CKMT1B: variants seen among roughly 807,000 people sequenced by gnomAD.
CKMT1B encodes creatine kinase, mitochondrial 1B, also known as creatine kinase U-type, mitochondrial.
A neutral mutation model predicts 21.8 loss-of-function variants in CKMT1B; 13 were observed. That is an observed-to-expected ratio of 0.60 (90% confidence interval 0.39 to 0.95). The LOEUF is 0.95. Ranked by LOEUF, CKMT1B falls within the 40% of genes least tolerant of loss-of-function variation. The probability of loss-of-function intolerance (pLI) is 0.00; values close to 1 mark genes in which losing one functional copy is unlikely to be tolerated. For synonymous variants in CKMT1B, 50 were observed against 80.3 expected (o/e 0.62, Z 2.02); for missense variants, 157 against 227.5 (o/e 0.69, Z 1.99).
Position 43,598,855 on chromosome 15 carries a change from A to G in CKMT1B, c.1040A>G (p.Asn347Ser). 3 of 1,608,854 alleles carry G rather than the reference A, an allele frequency of 1.9e-6. No homozygotes were observed. The highest frequency in any genetic ancestry group is 2.2e-5 in the South Asian group (2 of 90,860). The change falls in exon 8 of 9, where the codon AAC becomes AGC. Residue 347 changes from asparagine to serine, a missense_variant. Physicochemically the swap from Asn to Ser is conservative, Grantham distance 46. Coordinates refer to ENST00000441322, the MANE Select transcript of CKMT1B (RefSeq NM_001375484.1). ...KDSRFPKILE[N>S]LRLQKRGTGG... ...AGCCGCTTCCCAAAGATCCTGGAGAACCTAAGACTCCAAAAACGTGGTACT... is the reference window on the plus strand; with the variant it reads ...AGCCGCTTCCCAAAGATCCTGGAGAGCCTAAGACTCCAAAAACGTGGTACT...
In CKMT1B at chr15:43,598,155, T is replaced by A. The variant is rs752386639; in HGVS notation, c.877-38T>A. ...GGGAGGGTCCAGGGTTAATGAAATATCCCTGATTTTTCGTTAACAAAACCT... is the reference window on the plus strand; with the variant it reads ...GGGAGGGTCCAGGGTTAATGAAATAACCCTGATTTTTCGTTAACAAAACCT... On this transcript the variant is annotated intron_variant, in intron 6 of 8. Transcript: ENST00000441322. 3 of 1,608,366 alleles carry A rather than the reference T, an allele frequency of 1.9e-6. 1 individual carries two copies. In the African/African-American group the frequency reaches 4.2e-5, roughly 22 times the overall value.
intron 6 of CKMT1B, 146 bp downstream of exon 6, chr15:43,596,677 G>A: frequency 7.8e-7 from 1 of 1,281,694 alleles, no homozygotes; most frequent in Non-Finnish European, 1.1e-6. Context: ...AGGACTAAAG[G>A]TGTAAACCAG....
chr15:43,599,143 T>G lies in CKMT1B; in HGVS notation c.1138-14T>G. The G allele has an allele frequency of 6.2e-7, 1 of 1,613,600 alleles. No homozygotes were observed. Among genetic ancestry groups the G allele is most frequent in the Non-Finnish European group, 8.5e-7 (1 of 1,179,782 alleles). On this transcript the variant is annotated splice_polypyrimidine_tract_variant and intron_variant, in intron 8 of 8. Coordinates refer to ENST00000441322, the MANE Select transcript of CKMT1B (RefSeq NM_001375484.1). ...CAGACTGTAGGAAGCAGATCAAAGA[T>G]TAGTGTCCCTTAGGTGGAGCTGGTG...
rs1482543170 is a variant in CKMT1B, at chr15:43,595,976, C to T, written c.565C>T (p.Arg189Cys). The change falls in exon 4 of 9, where the codon CGT becomes TGT. Residue 189 changes from arginine to cysteine, a missense_variant. By Grantham distance (180) the Arg-to-Cys change is radical. Transcript: ENST00000441322. ...CTRAERREVERVVVDALSGLK... is the reference protein window; with the variant it reads ...CTRAERREVECVVVDALSGLK... ...TCGAGCAGAGCGACGAGAGGTGGAA[C>T]GTGTTGTGGTGGATGCACTGAGTGG... 1.3e-5 allele frequency: 2 copies of T among 149,630 alleles called. No individual in the cohort carries two copies. Among genetic ancestry groups the T allele is most frequent in the African/African-American group, 2.1e-4 (1 of 4,760 alleles). The allele number at this position is 149,630 out of a possible 1,614,324, so 9.3% of individuals were successfully genotyped here. A position where few individuals can be genotyped will look rare whatever the true frequency, so the allele number is the denominator to read the frequency against.
In CKMT1B at chr15:43,598,081, C is replaced by T; in HGVS notation, c.877-112C>T. On this transcript the variant is annotated intron_variant, in intron 6 of 8. Transcript: ENST00000441322. ...AAGACCAATGTCATTCATTCACAGC[C>T]AAGTTTCTGTTCTAGACATATTTCT... The T allele has an allele frequency of 2.0e-6, 3 of 1,490,524 alleles. No homozygotes were observed. The South Asian group carries it at 4.3e-5, about 21-fold the overall frequency. 92.3% of individuals were successfully genotyped at this position (1,490,524 alleles called of 1,614,324 possible).
At position 43,598,278 on chromosome 15, in the gene CKMT1B, G is replaced by A. The variant is rs758832608; in HGVS notation, c.962G>A (p.Gly321Asp). 6 of 1,607,494 alleles carry A rather than the reference G, an allele frequency of 3.7e-6. No individual in the cohort carries two copies. The highest frequency in any genetic ancestry group is 5.1e-6 in the Non-Finnish European group (6 of 1,179,010). The change falls in exon 7 of 9, where the codon GGC (glycine) becomes GAC (aspartate). Residue 321 changes from glycine (G) to aspartate (D), a missense_variant. Physicochemically the swap from Gly to Asp is moderately conservative, Grantham distance 94. Coordinates refer to ENST00000441322, the MANE Select transcript of CKMT1B (RefSeq NM_001375484.1). The stretch of plus-strand genomic sequence containing the variant: ...ATCTTGACCTGTCCATCTAACCTGG[G>A]CACTGGACTTCGGGCAGGAGTGCAC... ...GYILTCPSNL[G>D]TGLRAGVHIK... is the part of the protein sequence containing the mutation.
Position 43,598,923 on chromosome 15 carries a change from T to C in CKMT1B, c.1108T>C (p.Ser370Pro). ...TGCTACAGGCGGTGTCTTTGATATT[T>C]CTAATTTGGACCGACTAGGCAAATC... ...TAATGGVFDI[S>P]NLDRLGKSEV... The change falls in exon 8 of 9, where the codon TCT becomes CCT. Residue 370 changes from serine (S) to proline (P), a missense_variant. By Grantham distance (74) the Ser-to-Pro change is moderately conservative. Coordinates refer to ENST00000441322, the MANE Select transcript of CKMT1B (RefSeq NM_001375484.1). 1 of 1,610,542 alleles carries C rather than the reference T, an allele frequency of 6.2e-7. No individual in the cohort carries two copies. The highest frequency in any genetic ancestry group is 8.5e-7 in the Non-Finnish European group (1 of 1,179,666).
intron 6 of CKMT1B, chr15:43,597,689 G>T: frequency 9.9e-7 from 1 of 1,008,816 alleles, no homozygotes; most frequent in Non-Finnish European, 1.2e-6. Flanking sequence ...TATGAATCTG[G>T]CTTTTCTGCT....
At chr15:43,596,717 G>A in intron 6 of CKMT1B, 186 bp downstream of exon 6, 1 of 869,512 alleles carries the variant, frequency 1.2e-6, no homozygotes, top group South Asian at 1.8e-5. Context: ...ACCAGGACAT[G>A]TGGTCACACT....
Position 43,596,833 on chromosome 15 carries a change from G to T in CKMT1B, c.876+302G>T, listed in dbSNP as rs1306108531. Among the ~76,000 whole-genome samples the T allele has an allele frequency of 1.3e-5, 2 of 149,570 alleles. 1 individual carries two copies. The highest frequency in any genetic ancestry group is 5.1e-5 in the African/African-American group (2 of 39,458). ...GAGATGGCACGTCAGTGCCTGGGAT[G>T]TGTGCAGTGGGATGGTGAGGTGTGC... On this transcript the variant is annotated intron_variant, in intron 6 of 8. Transcript: ENST00000441322.
In CKMT1B at chr15:43,599,059, G is replaced by C. The variant is rs2085635712; in HGVS notation, c.1138-98G>C. 4 of 1,579,880 alleles carry C rather than the reference G, an allele frequency of 2.5e-6. No individual in the cohort carries two copies. In the South Asian group the frequency reaches 4.6e-5, roughly 18 times the overall value. On this transcript the variant is annotated intron_variant, in intron 8 of 8. Coordinates refer to ENST00000441322, the MANE Select transcript of CKMT1B (RefSeq NM_001375484.1). ...TAAGATAATCTGAAATGAAATTCAG[G>C]TTGAGTGGGGAGGCAATTGGAAATG...
Position 43,596,479 on chromosome 15 carries a change from A to C in CKMT1B, c.824A>C (p.Lys275Thr), listed in dbSNP as rs149230297. 6.2e-7 allele frequency: 1 copy of C among 1,603,876 alleles called. No homozygotes were observed. Among genetic ancestry groups the C allele is most frequent in the Admixed American group, 1.7e-5 (1 of 59,662 alleles). Residue 275 changes from lysine to threonine, a missense_variant, in exon 6 of 9, where the codon AAG becomes ACG. Transcript: ENST00000441322. ...EDHTRVISMEKGGNMKRVFER... is the reference protein window; with the variant it reads ...EDHTRVISMETGGNMKRVFER... Reference sequence around the variant, plus strand: ...CATACACGGGTGATCTCCATGGAGAAGGGTGGTAACATGAAGAGAGTGTTT... The same window carrying C: ...CATACACGGGTGATCTCCATGGAGACGGGTGGTAACATGAAGAGAGTGTTT...
chr15:43,597,098 T>C (rs1010397763), intron 6 of CKMT1B, among the ~76,000 whole-genome samples: 1 of 145,504 alleles, frequency 6.9e-6, no homozygotes, highest in Non-Finnish European at 1.5e-5. Flanking sequence ...TTGAACTGAA[T>C]CATCAATCCT....
At chr15:43,596,671 C>G in intron 6 of CKMT1B, 140 bp downstream of exon 6, 1 of 1,358,574 alleles carries the variant, frequency 7.4e-7, no homozygotes, top group Non-Finnish European at 1.0e-6. Context: ...CACTCCAGGA[C>G]TAAAGGTGTA....
At chr15:43,596,387 C>A in intron 5 of CKMT1B, 21 bp from the exon 6 acceptor site, 2 of 1,540,060 alleles carry the variant, frequency 1.3e-6, no homozygotes, top group Admixed American at 1.8e-5. Context: ...CTCTTGATCA[C>A]TGTCCCTCTC....
At position 43,596,518 on chromosome 15, in the gene CKMT1B, G is replaced by A. The variant is rs751276442; in HGVS notation, c.863G>A (p.Arg288Gln). 1.9e-6 allele frequency: 3 copies of A among 1,607,448 alleles called. No homozygotes were observed. The highest frequency in any genetic ancestry group is 2.8e-5 in the African/African-American group (2 of 71,498). Residue 288 changes from arginine to glutamine, a missense_variant, in exon 6 of 9, where the codon CGA (arginine) becomes CAA (glutamine). Physicochemically the swap from Arg to Gln is conservative, Grantham distance 43. Coordinates refer to ENST00000441322, the MANE Select transcript of CKMT1B (RefSeq NM_001375484.1). ...NMKRVFERFCRGLKEVERLIQ... is the reference protein window; with the variant it reads ...NMKRVFERFCQGLKEVERLIQ... ...AAGAGAGTGTTTGAAAGATTCTGCCGAGGCCTCAAAGAGGTTAGAGAAGAC... is the reference window on the plus strand; with the variant it reads ...AAGAGAGTGTTTGAAAGATTCTGCCAAGGCCTCAAAGAGGTTAGAGAAGAC...
At chr15:43,596,619 A>G in intron 6 of CKMT1B, 88 bp downstream of exon 6, 1 of 1,589,568 alleles carries the variant, frequency 6.3e-7, no homozygotes, top group Non-Finnish European at 8.6e-7. Flanking sequence ...TTTACCAACC[A>G]ACCCAGGACA....
At chr15:43,598,995 C>G (rs762652253) in intron 8 of CKMT1B, 43 bp downstream of exon 8, 11 of 1,607,028 alleles carry the variant, frequency 6.8e-6, no homozygotes, top group Non-Finnish European at 8.5e-6. Context: ...TATAGGTCTG[C>G]GAGGGCCGAA....
At chr15:43,597,695 C>G in intron 6 of CKMT1B, 1 of 1,017,118 alleles carries the variant, frequency 9.8e-7, no homozygotes. Flanking sequence ...TCTGGCTTTT[C>G]TGCTCTGTTT....
Sources: allele counts gnomAD v4.1 joint callset (sites outside exome capture counted in the v4.1 genomes callset), GRCh38; gene constraint gnomAD v4.1.1; transcripts MANE v1.5; gene names NCBI Gene and HGNC (gene_info 2026-07-23, HGNC 2026-07-21).